Variants in LMNTD1 observed in about 807,000 individuals in gnomAD.
LMNTD1 encodes lamin tail domain containing 1.
Under a neutral mutation model 50.9 loss-of-function variants are expected in LMNTD1, and 35 were observed. The observed-to-expected ratio is 0.69, with a 90% confidence interval of 0.53 to 0.91. LMNTD1 has a LOEUF of 0.91. Among genes scored for constraint, LMNTD1 ranks in the 40% least tolerant of loss-of-function variants. The pLI, the probability that LMNTD1 is intolerant of heterozygous loss-of-function variation, is 0.00. For synonymous variants in LMNTD1, 153 were observed against 161.9 expected, an observed-to-expected ratio of 0.94 and a Z score of 0.42; for missense variants, 470 against 475.5, an observed-to-expected ratio of 0.99 and a Z score of 0.11.
chr12:25,596,144 A>AGAATT, intron 1 of LMNTD1, among the ~76,000 whole-genome samples: 1 of 151,560 alleles, frequency 6.6e-6, no homozygotes, highest in Non-Finnish European at 1.5e-5. Flanking sequence ...GATTCACAGC[A>AGAATT]CTCAAAGAAG....
At chr12:25,505,579 G>C (rs1939698624) in intron 8 of LMNTD1, among the ~76,000 whole-genome samples, 1 of 152,016 alleles carries the variant, frequency 6.6e-6, no homozygotes, top group African/African-American at 2.4e-5. Flanking sequence ...GTAAGCAAGG[G>C]AAGAGAAAAA....
chr12:25,599,484 C>A (rs1434110311), intron 1 of LMNTD1, among the ~76,000 whole-genome samples: 3 of 151,876 alleles, frequency 2.0e-5, no homozygotes, highest in Non-Finnish European at 4.4e-5. Context: ...TGAAGGGTAT[C>A]CAAATTTGAA....
At chr12:25,486,443 T>C (rs1327492665) in intron 9 of LMNTD1, among the ~76,000 whole-genome samples, 1 of 149,138 alleles carries the variant, frequency 6.7e-6, no homozygotes, top group Non-Finnish European at 1.5e-5. Flanking sequence ...AATCATGTCG[T>C]CTGCAAACAG....
At chr12:25,610,217 G>A (rs964631323) in intron 1 of LMNTD1, among the ~76,000 whole-genome samples, 1 of 152,172 alleles carries the variant, frequency 6.6e-6, no homozygotes, top group African/African-American at 2.4e-5. Context: ...AGGTGGCAGA[G>A]TCCCAATTTT....
intron 1 of LMNTD1, among the ~76,000 whole-genome samples, chr12:25,573,252 C>T (rs16929074): frequency 0.025 from 3,870 of 152,084 alleles, 111 homozygotes; most frequent in South Asian, 0.12. Flanking sequence ...TCTGATTATA[C>T]GTGTCTCCTA....
chr12:25,567,760 C>T (rs1944615003), intron 1 of LMNTD1, among the ~76,000 whole-genome samples: 1 of 152,142 alleles, frequency 6.6e-6, no homozygotes, highest in African/African-American at 2.4e-5. Context: ...TTGTAAGTTC[C>T]CTGAAGCCCT....
At chr12:25,575,467 T>C (rs1335729513) in intron 1 of LMNTD1, among the ~76,000 whole-genome samples, 1 of 152,160 alleles carries the variant, frequency 6.6e-6, no homozygotes, top group African/African-American at 2.4e-5. Flanking sequence ...TAAAATGCCA[T>C]TGATTGTACC....
intron 1 of LMNTD1, among the ~76,000 whole-genome samples, chr12:25,605,524 G>A (rs1227219803): frequency 3.3e-5 from 5 of 152,170 alleles, no homozygotes; most frequent in African/African-American, 7.2e-5. Flanking sequence ...TTTGTATAAG[G>A]TGTAAGGAAG....
chr12:25,595,041 A>AAT (rs1592085625), intron 1 of LMNTD1, among the ~76,000 whole-genome samples: 1 of 152,216 alleles, frequency 6.6e-6, no homozygotes, highest in South Asian at 2.1e-4. Context: ...CACAATCCTA[A>AAT]ATATATATAT....
intron 8 of LMNTD1, among the ~76,000 whole-genome samples, chr12:25,516,629 G>A (rs1488808029): frequency 2.0e-5 from 3 of 152,184 alleles, no homozygotes; most frequent in East Asian, 3.9e-4. Context: ...TATTGCTAAA[G>A]AGACCTTCAA....
chr12:25,489,052 A>C (rs1294260295), intron 9 of LMNTD1, among the ~76,000 whole-genome samples: 3 of 152,002 alleles, frequency 2.0e-5, no homozygotes, highest in African/African-American at 4.8e-5. Context: ...AGGGACATTT[A>C]AGTCTGCAGA....
chr12:25,537,801 A>C (rs1311704123), intron 4 of LMNTD1, among the ~76,000 whole-genome samples: 1 of 152,050 alleles, frequency 6.6e-6, no homozygotes, highest in African/African-American at 2.4e-5. Context: ...TTCAAACCAA[A>C]GGCAAAGAAG....
At chr12:25,513,494 G>A (rs1354262633) in intron 8 of LMNTD1, among the ~76,000 whole-genome samples, 1 of 152,140 alleles carries the variant, frequency 6.6e-6, no homozygotes, top group Non-Finnish European at 1.5e-5. Context: ...AAATTAGCTG[G>A]GTGTGGTGGC....
Position 25,532,816 on chromosome 12 carries a change from G to C in LMNTD1, c.492-5861C>G. 2.0e-5 allele frequency among the ~76,000 whole-genome samples: 3 copies of C among 152,128 alleles called. No individual in the cohort carries two copies. The South Asian group carries it at 6.2e-4, about 31-fold the overall frequency. The stretch of plus-strand genomic sequence containing the variant: ...TCTTTGACATCCCTGGAACTCCTTT[G>C]TGTCATCCTCATCTTACTGTTACTA... On this transcript the variant is annotated intron_variant, in intron 4 of 9. Coordinates refer to ENST00000458174, the MANE Select transcript of LMNTD1 (RefSeq NM_001145728.2).
chr12:25,516,318 A>G (rs115026699), intron 8 of LMNTD1, among the ~76,000 whole-genome samples: 2,512 of 152,322 alleles, frequency 0.016, 74 homozygotes, highest in African/African-American at 0.057. Context: ...ATATGCACAT[A>G]CGGTGAAGTG....
chr12:25,595,346 C>A (rs1270660598), intron 1 of LMNTD1, among the ~76,000 whole-genome samples: 1 of 152,008 alleles, frequency 6.6e-6, no homozygotes, highest in Non-Finnish European at 1.5e-5. Context: ...TGAGCCTCAA[C>A]AAATTTAAGA....
chr12:25,584,678 T>TA (rs1945446900), intron 1 of LMNTD1, among the ~76,000 whole-genome samples: 1 of 152,222 alleles, frequency 6.6e-6, no homozygotes, highest in Admixed American at 6.5e-5. Context: ...TGATTCCTTT[T>TA]AAAATACAAC....
intron 1 of LMNTD1, among the ~76,000 whole-genome samples, chr12:25,597,815 G>A (rs1216617626): frequency 1.3e-5 from 2 of 152,062 alleles, no homozygotes; most frequent in Non-Finnish European, 2.9e-5. Context: ...GATCACAATG[G>A]AATAAAACTA....
intron 8 of LMNTD1, among the ~76,000 whole-genome samples, chr12:25,518,041 G>A (rs1940942424): frequency 1.3e-5 from 2 of 152,098 alleles, no homozygotes; most frequent in African/African-American, 4.8e-5. Flanking sequence ...TTGGGATCTC[G>A]CTTAAGATTT....
Sources: allele counts gnomAD v4.1 joint callset (sites outside exome capture counted in the v4.1 genomes callset), GRCh38; gene constraint gnomAD v4.1.1; transcripts MANE v1.5; gene names NCBI Gene and HGNC (gene_info 2026-07-23, HGNC 2026-07-21).